The following TNFRSF10B variants were observed in gnomAD, a reference collection of about 807,000 sequenced individuals.
The protein encoded by TNFRSF10B is TNF receptor superfamily member 10b, also known as tumor necrosis factor receptor superfamily member 10B.
In TNFRSF10B, 35 loss-of-function variants were observed where a neutral mutation model predicts 41.4. The ratio of observed to expected loss-of-function variants is 0.85; its 90% confidence interval spans 0.65 to 1.12. TNFRSF10B has a LOEUF of 1.12. Ranked by LOEUF, TNFRSF10B falls within the 50% of genes most tolerant of loss-of-function variation. TNFRSF10B has a pLI of 0.00. For missense variants in TNFRSF10B, 584 were observed against 552.7 expected (o/e 1.06, Z -0.57); for synonymous variants, 230 against 215.5 (o/e 1.07, Z -0.59).
intron 2 of TNFRSF10B, among the ~76,000 whole-genome samples, chr8:23,039,764 C>G (rs1812117682): frequency 6.6e-6 from 1 of 152,056 alleles, no homozygotes; most frequent in Non-Finnish European, 1.5e-5. Context: ...TCTATGACAG[C>G]AACAATAGAA....
chr8:23,061,353 C>T (rs1812826434), intron 1 of TNFRSF10B, among the ~76,000 whole-genome samples: 1 of 152,152 alleles, frequency 6.6e-6, no homozygotes, highest in Non-Finnish European at 1.5e-5. Context: ...TCCCAGATTG[C>T]AATCTGTACT....
At chr8:23,062,514 G>A (rs988537460) in intron 1 of TNFRSF10B, among the ~76,000 whole-genome samples, 4 of 152,044 alleles carry the variant, frequency 2.6e-5, no homozygotes, top group Admixed American at 6.5e-5. Context: ...CATCACATCC[G>A]GCCTCTACTG....
chr8:23,023,862 G>A (rs752301898), intron 8 of TNFRSF10B, among the ~76,000 whole-genome samples: 2 of 152,172 alleles, frequency 1.3e-5, no homozygotes, highest in Non-Finnish European at 2.9e-5. Context: ...GCCCACTGGG[G>A]TTAGTGGTGC....
At position 23,022,103 on chromosome 8, in the gene TNFRSF10B, A is replaced by T. The variant is rs774016430; in HGVS notation, c.*568T>A. Reference sequence around the variant, plus strand: ...GAGAGCCCCTATATCTAGACAAAATACAAAAAATTAGCCGGGCGTGGTGGT... The same window carrying T: ...GAGAGCCCCTATATCTAGACAAAATTCAAAAAATTAGCCGGGCGTGGTGGT... On this transcript the variant is annotated 3_prime_UTR_variant, in exon 9 of 9. Coordinates refer to ENST00000276431, the MANE Select transcript of TNFRSF10B (RefSeq NM_003842.5). The T allele has an allele frequency of 9.4e-6, 4 of 423,356 alleles. No homozygotes were observed. The highest frequency in any genetic ancestry group is 6.8e-5 in the South Asian group (4 of 58,746). 26.2% of individuals were successfully genotyped at this position (423,356 alleles called of 1,614,324 possible).
intron 1 of TNFRSF10B, among the ~76,000 whole-genome samples, chr8:23,066,059 G>A (rs1338533561): frequency 6.6e-6 from 1 of 152,184 alleles, no homozygotes; most frequent in Non-Finnish European, 1.5e-5. Context: ...AAGGTGGGAG[G>A]ATTCCTTGAG....
rs546968775 is a variant in TNFRSF10B, at chr8:23,028,877, T to C, written c.477-275A>G. 2.2e-3 allele frequency among the ~76,000 whole-genome samples: 338 copies of C among 152,326 alleles called. 1 individual carries two copies. The highest frequency in any genetic ancestry group is 7.6e-3 in the African/African-American group (316 of 41,564). On this transcript the variant is annotated intron_variant, in intron 4 of 8. Coordinates refer to ENST00000276431, the MANE Select transcript of TNFRSF10B (RefSeq NM_003842.5). The stretch of plus-strand genomic sequence containing the variant: ...GGGCACACACTGAGCTTCCCTGGGC[T>C]GCAGGGGAGGCCTGCGTTAGGAGCA...
In TNFRSF10B at chr8:23,028,332, T is replaced by C. The variant is rs767331678; in HGVS notation, c.747A>G (p.Ser249=). The C allele has an allele frequency of 2.5e-6, 4 of 1,613,886 alleles. No homozygotes were observed. The highest frequency in any genetic ancestry group is 2.5e-6 in the Non-Finnish European group (3 of 1,179,978). Reference sequence around the variant, plus strand: ...CCCCCGCCCTCAGCCAGCACCTACCTGAGCAGATGCCTTTCAGGTAAGGAA... The same window carrying C: ...CCCCCGCCCTCAGCCAGCACCTACCCGAGCAGATGCCTTTCAGGTAAGGAA... The part of the protein sequence containing the change: ...KVLPYLKGIC[S]GGGGDPERVD... Residue 249 remains serine, a splice_region_variant and synonymous_variant, in exon 5 of 9, where the codon TCA becomes TCG. Coordinates refer to ENST00000276431, the MANE Select transcript of TNFRSF10B (RefSeq NM_003842.5).
intron 2 of TNFRSF10B, among the ~76,000 whole-genome samples, chr8:23,040,305 T>C (rs56263476): frequency 3.0e-5 from 1 of 33,612 alleles, no homozygotes; most frequent in African/African-American, 5.3e-5. Context: ...ATATATAATA[T>C]ATATTTAATA....
chr8:23,024,043 T>C (rs1811625012), intron 8 of TNFRSF10B, 145 bp downstream of exon 8: 1 of 955,444 alleles, frequency 1.0e-6, no homozygotes, highest in Non-Finnish European at 1.7e-6. Flanking sequence ...GAAGACAGTT[T>C]AGGGTCCAGA....
At chr8:23,034,290 G>A (rs1235965927) in intron 2 of TNFRSF10B, among the ~76,000 whole-genome samples, 1 of 152,188 alleles carries the variant, frequency 6.6e-6, no homozygotes, top group Non-Finnish European at 1.5e-5. Context: ...CCTCATTTTA[G>A]TATGTGTAAT....
At chr8:23,034,603 T>C (rs1430790988) in intron 2 of TNFRSF10B, among the ~76,000 whole-genome samples, 2 of 152,190 alleles carry the variant, frequency 1.3e-5, no homozygotes, top group African/African-American at 2.4e-5. Flanking sequence ...AGTACATGCC[T>C]GTAGTCTTAG....
Position 23,020,720 on chromosome 8 carries a change from T to TA in TNFRSF10B, c.*1950dup. The stretch of plus-strand genomic sequence containing the variant: ...AAAATTAAAAATAAAAGAAAAATCT[T>TA]AAACACTGATAAGGCTGACACTCTA... On this transcript the variant is annotated 3_prime_UTR_variant, in exon 9 of 9. Transcript: ENST00000276431. 1 of 453,844 alleles carries TA rather than the reference T, an allele frequency of 2.2e-6. No individual in the cohort carries two copies. The allele number at this position is 453,844 out of a possible 1,614,324, so 28.1% of individuals were successfully genotyped here. A position where few individuals can be genotyped will look rare whatever the true frequency, so the allele number is the denominator to read the frequency against.
Position 23,033,685 on chromosome 8 carries a change from T to C in TNFRSF10B, c.251-2813A>G, listed in dbSNP as rs188694640. On this transcript the variant is annotated intron_variant, in intron 2 of 8. Transcript: ENST00000276431. ...GCTGGTACGCAGCTACTTAGGCTGC[T>C]ATAATAAAATACCATAGACCAAGTG... Among the ~76,000 whole-genome samples the C allele has an allele frequency of 4.4e-3, 653 of 147,636 alleles. 5 individuals carry two copies. Among genetic ancestry groups the C allele is most frequent in the African/African-American group, 0.015 (614 of 40,248 alleles).
chr8:23,038,087 T>C (rs887601529), intron 2 of TNFRSF10B, among the ~76,000 whole-genome samples: 2 of 152,164 alleles, frequency 1.3e-5, no homozygotes, highest in South Asian at 2.1e-4. Context: ...GCTGGCTGGA[T>C]TGACTGATTC....
chr8:23,029,748 A>C (rs1418045405), intron 3 of TNFRSF10B, 27 bp from the exon 4 acceptor site: 1 of 1,603,402 alleles, frequency 6.2e-7, no homozygotes, highest in East Asian at 2.2e-5. Flanking sequence ...AGGTTTTGGG[A>C]ATGTGTTTTC....
Position 23,033,449 on chromosome 8 carries a change from A to C in TNFRSF10B, c.251-2577T>G, listed in dbSNP as rs1366837117. 2.0e-5 allele frequency among the ~76,000 whole-genome samples: 3 copies of C among 151,704 alleles called. No homozygotes were observed. The East Asian group carries it at 5.8e-4, about 29-fold the overall frequency. Reference sequence around the variant, plus strand: ...AATACAAAAAAAAATTAGCCGGGCGAGGTGGCGGGCGCCTGTAGTCCCAGC... The same window carrying C: ...AATACAAAAAAAAATTAGCCGGGCGCGGTGGCGGGCGCCTGTAGTCCCAGC... On this transcript the variant is annotated intron_variant, in intron 2 of 8. Coordinates refer to ENST00000276431, the MANE Select transcript of TNFRSF10B (RefSeq NM_003842.5).
At chr8:23,025,716 A>C (rs1318565300) in intron 7 of TNFRSF10B, among the ~76,000 whole-genome samples, 1 of 152,180 alleles carries the variant, frequency 6.6e-6, no homozygotes, top group Non-Finnish European at 1.5e-5. Flanking sequence ...AGAGTAAAGA[A>C]GGCTCTTGGT....
In TNFRSF10B at chr8:23,021,295, T is replaced by C. The variant is rs2128810169; in HGVS notation, c.*1376A>G. On this transcript the variant is annotated 3_prime_UTR_variant, in exon 9 of 9. Transcript: ENST00000276431. ...ATTGACATTTCTGAGATGAGTCAGA[T>C]GCTTACAGAGCGGCCAAGGTCCTCA... 2.2e-6 allele frequency: 1 copy of C among 454,156 alleles called. No homozygotes were observed. The highest frequency in any genetic ancestry group is 4.4e-6 in the Non-Finnish European group (1 of 226,798). 28.1% of individuals were successfully genotyped at this position (454,156 alleles called of 1,614,324 possible). A position where few individuals can be genotyped will look rare whatever the true frequency, so the allele number is the denominator to read the frequency against.
At chr8:23,043,287 T>C (rs1563316002) in intron 1 of TNFRSF10B, 44 bp from the exon 2 acceptor site, 1 of 1,514,126 alleles carries the variant, frequency 6.6e-7, no homozygotes, top group Admixed American at 1.7e-5. Context: ...CTTCCAGACC[T>C]CACCCCTCCC....
Sources: allele counts gnomAD v4.1 joint callset (sites outside exome capture counted in the v4.1 genomes callset), GRCh38; gene constraint gnomAD v4.1.1; transcripts MANE v1.5; gene names NCBI Gene and HGNC (gene_info 2026-07-23, HGNC 2026-07-21).